LYPD5: variants seen among roughly 807,000 people sequenced by gnomAD.
LYPD5 encodes ly6/PLAUR domain-containing protein 5.
A neutral mutation model predicts 19.1 loss-of-function variants in LYPD5; 21 were observed. The ratio of observed to expected loss-of-function variants is 1.10; its 90% CI spans 0.78 to 1.58. The LOEUF (loss-of-function observed/expected upper bound fraction) is 1.58. Ranked by LOEUF, LYPD5 falls within the 40% of genes most tolerant of loss-of-function variation. LYPD5 has a pLI of 0.00. For synonymous variants in LYPD5, 128 were observed against 142.7 expected, an observed-to-expected ratio of 0.90 and a Z score of 0.74; for missense variants, 287 against 329.8, an observed-to-expected ratio of 0.87 and a Z score of 1.00.
chr19:43,800,079 C>T (rs1460521944), intron 1 of LYPD5: 1 of 337,938 alleles, frequency 3.0e-6, no homozygotes, highest in East Asian at 6.2e-5. Flanking sequence ...GGTCTCCACC[C>T]TCTTCCAGGA....
At chr19:43,812,067 C>T (rs920830611) in intron 1 of LYPD5, among the ~76,000 whole-genome samples, 3 of 152,148 alleles carry the variant, frequency 2.0e-5, no homozygotes, top group Non-Finnish European at 2.9e-5. Context: ...AATGGTCTCA[C>T]TCACAAGACT....
chr19:43,798,332 T>A (rs1330353194), intron 4 of LYPD5, 123 bp downstream of exon 4: 4 of 1,251,506 alleles, frequency 3.2e-6, no homozygotes, highest in Non-Finnish European at 4.5e-6. Flanking sequence ...CAGACCAGGG[T>A]CATGCCTCCC....
At chr19:43,805,333 C>T (rs1335804943), upstream of LYPD5, among the ~76,000 whole-genome samples, 2 of 152,108 alleles carry the variant, frequency 1.3e-5, no homozygotes, top group African/African-American at 2.4e-5. Flanking sequence ...AATTGTAATG[C>T]GTTTTAAGAT....
chr19:43,803,833 G>A (rs902242352), upstream of LYPD5, among the ~76,000 whole-genome samples: 20 of 151,536 alleles, frequency 1.3e-4, no homozygotes, highest in African/African-American at 4.4e-4. Context: ...TGCTCCCCCC[G>A]CACCCCCTCT....
intron 1 of LYPD5, among the ~76,000 whole-genome samples, chr19:43,811,726 A>G (rs1398941079): frequency 4.8e-5 from 3 of 61,950 alleles, no homozygotes; most frequent in Non-Finnish European, 8.4e-5. Context: ...AGGGAAGGAG[A>G]GAGGGAGGGA....
intron 1 of LYPD5, among the ~76,000 whole-genome samples, chr19:43,816,619 A>T (rs1290143632): frequency 6.6e-6 from 1 of 152,410 alleles, no homozygotes; most frequent in East Asian, 1.9e-4. Flanking sequence ...CACATCTGAC[A>T]TAGCAGCTGA....
At chr19:43,819,855 A>G (rs981158723) in intron 1 of LYPD5, among the ~76,000 whole-genome samples, 2 of 152,184 alleles carry the variant, frequency 1.3e-5, no homozygotes, top group African/African-American at 2.4e-5. Context: ...GGGAACCACT[A>G]TGGGAGACTG....
At chr19:43,807,234 C>G (rs1282615538), upstream of LYPD5, among the ~76,000 whole-genome samples, 1 of 151,096 alleles carries the variant, frequency 6.6e-6, no homozygotes, top group Admixed American at 6.6e-5. Flanking sequence ...GTTGCACGCT[C>G]TTGTGGAAGT....
intron 1 of LYPD5, among the ~76,000 whole-genome samples, chr19:43,801,228 A>G (rs2146496199): frequency 6.6e-6 from 1 of 152,164 alleles, no homozygotes; most frequent in Non-Finnish European, 1.5e-5. Flanking sequence ...TCTCTATTTT[A>G]AAAACAACCA....
intron 1 of LYPD5, among the ~76,000 whole-genome samples, chr19:43,800,207 G>A (rs1385238652): frequency 6.6e-6 from 1 of 152,170 alleles, no homozygotes; most frequent in Non-Finnish European, 1.5e-5. Flanking sequence ...CCCCTGACAA[G>A]AAACATGCAC....
intron 1 of LYPD5, chr19:43,820,402 A>C (rs1350781574): frequency 6.6e-6 from 1 of 152,530 alleles, no homozygotes; most frequent in Admixed American, 6.5e-5. Context: ...TGTCACCACC[A>C]CGGACGGTCC....
chr19:43,797,741 G>T lies in LYPD5; in HGVS notation c.606C>A (p.Asp202Glu). The T allele has an allele frequency of 6.2e-7, 1 of 1,613,972 alleles. No individual in the cohort carries two copies. Among genetic ancestry groups the T allele is most frequent in the Non-Finnish European group, 8.5e-7 (1 of 1,179,940 alleles). ...ACCCCTCACAGCAGGAGCCCTGGAG[G>T]TCGATGGCTGTCCAGGGGCTGGTGG... is the stretch of plus-strand genomic sequence containing the variant. The part of the protein sequence containing the change: ...EGTTSPWTAI[D>E]LQGSCCEGYL... The change falls in exon 5 of 5, where the codon GAC becomes GAA. Residue 202 changes from aspartate (D) to glutamate (E), a missense_variant. Coordinates refer to ENST00000377950, the MANE Select transcript of LYPD5 (RefSeq NM_001031749.3).
chr19:43,820,591 G>C (rs868361327), exon 1 of LYPD5: 2 of 152,264 alleles, frequency 1.3e-5, no homozygotes, highest in Non-Finnish European at 2.9e-5. Context: ...GCCTCGCCCT[G>C]CTTCGATGTC....
chr19:43,815,625 A>G (rs1970365720), intron 1 of LYPD5: 1 of 185,178 alleles, frequency 5.4e-6, no homozygotes, highest in Non-Finnish European at 1.1e-5. Context: ...AGAACTATTA[A>G]AAAAAGAGAA....
intron 1 of LYPD5, among the ~76,000 whole-genome samples, chr19:43,800,399 A>G (rs2146495368): frequency 6.6e-6 from 1 of 152,286 alleles, no homozygotes; most frequent in East Asian, 1.9e-4. Context: ...TCTCACACAA[A>G]ACAAGTACGC....
intron 3 of LYPD5, 66 bp downstream of exon 3, chr19:43,798,746 G>C: frequency 1.9e-6 from 3 of 1,569,090 alleles, no homozygotes; most frequent in Non-Finnish European, 2.6e-6. Context: ...CGGAGGCCAC[G>C]CCTTCCCCGA....
chr19:43,813,575 T>C (rs1568406849), intron 1 of LYPD5, among the ~76,000 whole-genome samples: 2 of 152,230 alleles, frequency 1.3e-5, no homozygotes, highest in South Asian at 4.1e-4. Context: ...CATGAGACCA[T>C]TGAACCAGCA....
At chr19:43,814,764 A>C (rs1332182054) in intron 1 of LYPD5, among the ~76,000 whole-genome samples, 3 of 152,250 alleles carry the variant, frequency 2.0e-5, no homozygotes, top group Non-Finnish European at 4.4e-5. Context: ...GTGACATGAG[A>C]GTCTGAGCTG....
At chr19:43,806,347 G>C (rs1229657100), upstream of LYPD5, among the ~76,000 whole-genome samples, 1 of 152,044 alleles carries the variant, frequency 6.6e-6, no homozygotes, top group African/African-American at 2.4e-5. Context: ...ACCCCTAGAG[G>C]GGACCATCTA....
Sources: allele counts gnomAD v4.1 joint callset (sites outside exome capture counted in the v4.1 genomes callset), GRCh38; gene constraint gnomAD v4.1.1; transcripts MANE v1.5; gene names NCBI Gene and HGNC (gene_info 2026-07-23, HGNC 2026-07-21).